The following AUTS2 variants were observed in gnomAD, a reference collection of about 807,000 sequenced individuals.
The protein encoded by AUTS2 is autism susceptibility gene 2 protein.
In AUTS2, 17 loss-of-function variants were observed where a neutral mutation model predicts 112.4. The ratio of observed to expected loss-of-function variants is 0.15; its 90% CI spans 0.10 to 0.23. The LOEUF is 0.23. AUTS2 is among the 10% of genes least tolerant of loss of function. The pLI, the probability that AUTS2 is intolerant of heterozygous loss-of-function variation, is 1.00. For missense variants in AUTS2, 1,510 were observed against 1,701.6 expected, an observed-to-expected ratio of 0.89 and a Z score of 1.98; for synonymous variants, 751 against 702.7, an observed-to-expected ratio of 1.07 and a Z score of -1.09.
At chr7:69,612,802 G>A (rs1793118168) in intron 1 of AUTS2, among the ~76,000 whole-genome samples, 1 of 152,162 alleles carries the variant, frequency 6.6e-6, no homozygotes, top group East Asian at 1.9e-4. Flanking sequence ...CTGCCTAAAT[G>A]TAACCCCTGC....
intron 5 of AUTS2, among the ~76,000 whole-genome samples, chr7:70,626,049 A>G (rs1804924333): frequency 6.6e-6 from 1 of 151,928 alleles, no homozygotes; most frequent in East Asian, 2.0e-4. Context: ...AGTAGCTGGG[A>G]CTATAGGCAC....
chr7:69,744,463 T>C (rs1787400380), intron 1 of AUTS2, among the ~76,000 whole-genome samples: 1 of 152,174 alleles, frequency 6.6e-6, no homozygotes, highest in African/African-American at 2.4e-5. Context: ...ATACTCCTTT[T>C]CTGTTTCCTC....
chr7:69,824,087 A>ATG (rs1554381508), intron 1 of AUTS2, among the ~76,000 whole-genome samples: 2 of 152,130 alleles, frequency 1.3e-5, no homozygotes, highest in African/African-American at 2.4e-5. Flanking sequence ...TAGCTTAGTC[A>ATG]CTGGATGTAA....
At chr7:69,977,350 A>T (rs1798102507) in intron 2 of AUTS2, among the ~76,000 whole-genome samples, 1 of 152,200 alleles carries the variant, frequency 6.6e-6, no homozygotes, top group South Asian at 2.1e-4. Flanking sequence ...ACAGTTTTGT[A>T]ATATATTTTG....
At chr7:70,192,294 GA>G (rs538560185) in intron 4 of AUTS2, among the ~76,000 whole-genome samples, 15 of 152,108 alleles carry the variant, frequency 9.9e-5, no homozygotes, top group African/African-American at 3.1e-4. Flanking sequence ...ACCACAGGGG[GA>G]AAAAAATCCC....
At chr7:69,967,451 G>A (rs553722450) in intron 2 of AUTS2, among the ~76,000 whole-genome samples, 21 of 152,262 alleles carry the variant, frequency 1.4e-4, no homozygotes, top group African/African-American at 5.1e-4. Flanking sequence ...GGAGGGAGAG[G>A]CAGGCAGCTT....
intron 1 of AUTS2, among the ~76,000 whole-genome samples, chr7:69,640,949 T>C (rs1011051164): frequency 2.6e-5 from 4 of 152,236 alleles, no homozygotes; most frequent in Non-Finnish European, 5.9e-5. Context: ...TGACTATCTA[T>C]GTCTCATTAC....
chr7:69,931,608 C>T (rs1438767710), intron 2 of AUTS2, among the ~76,000 whole-genome samples: 1 of 152,178 alleles, frequency 6.6e-6, no homozygotes, highest in Non-Finnish European at 1.5e-5. Flanking sequence ...ATTGTCGCAA[C>T]ATCACTGACT....
chr7:70,704,249 T>C (rs1357728805), intron 6 of AUTS2, among the ~76,000 whole-genome samples: 1 of 152,218 alleles, frequency 6.6e-6, no homozygotes. Flanking sequence ...TCACTGGAAT[T>C]GTGAACCGGG....
At chr7:70,027,337 C>A (rs143946462) in intron 2 of AUTS2, among the ~76,000 whole-genome samples, 3 of 152,248 alleles carry the variant, frequency 2.0e-5, no homozygotes, top group African/African-American at 7.2e-5. Context: ...CTGCTAGTAT[C>A]TTTTATTGGC....
intron 2 of AUTS2, among the ~76,000 whole-genome samples, chr7:70,003,866 A>T (rs1328683453): frequency 2.0e-4 from 18 of 88,640 alleles, no homozygotes; most frequent in East Asian, 8.8e-4. Flanking sequence ...ATATATATAT[A>T]ATATATGAAT....
chr7:69,886,811 C>T (rs894554672), intron 1 of AUTS2, among the ~76,000 whole-genome samples: 3 of 88,032 alleles, frequency 3.4e-5, no homozygotes, highest in Non-Finnish European at 7.9e-5. Flanking sequence ...GTGTGTGTGT[C>T]AGGGTCTCAT....
chr7:70,782,766 A>G (rs1438106312), intron 15 of AUTS2: 2 of 152,128 alleles, frequency 1.3e-5, no homozygotes, highest in African/African-American at 4.8e-5. Flanking sequence ...GCCAGCTGCC[A>G]CCCCAGGCTT....
At chr7:70,462,383 G>A (rs960646227) in intron 5 of AUTS2, among the ~76,000 whole-genome samples, 1 of 152,198 alleles carries the variant, frequency 6.6e-6, no homozygotes, top group Non-Finnish European at 1.5e-5. Flanking sequence ...TAGATGGGGA[G>A]ACACATGATA....
intron 4 of AUTS2, among the ~76,000 whole-genome samples, chr7:70,347,468 A>G (rs895202765): frequency 6.6e-6 from 1 of 152,172 alleles, no homozygotes; most frequent in Non-Finnish European, 1.5e-5. Flanking sequence ...ATGGGTGAAT[A>G]TTCCCAGTGT....
intron 4 of AUTS2, among the ~76,000 whole-genome samples, chr7:70,178,962 G>A (rs1055529602): frequency 2.0e-5 from 3 of 152,188 alleles, no homozygotes; most frequent in African/African-American, 7.2e-5. Flanking sequence ...GTTTATGACT[G>A]TGTTTTTATG....
chr7:69,699,942 G>T (rs1051572622), intron 1 of AUTS2, among the ~76,000 whole-genome samples: 2 of 152,180 alleles, frequency 1.3e-5, no homozygotes, highest in Non-Finnish European at 2.9e-5. Context: ...GAATAATCTT[G>T]ATCATATGGC....
At chr7:70,586,576 T>C (rs1199388803) in intron 5 of AUTS2, among the ~76,000 whole-genome samples, 1 of 152,176 alleles carries the variant, frequency 6.6e-6, no homozygotes, top group Non-Finnish European at 1.5e-5. Flanking sequence ...TGCATTGTAC[T>C]CTGGGATAGC....
At chr7:69,855,851 T>A (rs1316813114) in intron 1 of AUTS2, among the ~76,000 whole-genome samples, 1 of 152,184 alleles carries the variant, frequency 6.6e-6, no homozygotes, top group Non-Finnish European at 1.5e-5. Flanking sequence ...CTCTGCCTCT[T>A]CAGTCTTAGG....
Sources: allele counts gnomAD v4.1 joint callset (sites outside exome capture counted in the v4.1 genomes callset), GRCh38; gene constraint gnomAD v4.1.1; transcripts MANE v1.5; gene names NCBI Gene and HGNC (gene_info 2026-07-23, HGNC 2026-07-21).